The following FBXO25 variants were observed in gnomAD, a reference collection of about 807,000 sequenced individuals.
FBXO25 encodes the protein F-box only protein 25.
In FBXO25, 45 loss-of-function variants were observed where a neutral mutation model predicts 51.9. The ratio of observed to expected loss-of-function variants is 0.87; its 90% CI spans 0.68 to 1.11. The LOEUF (loss-of-function observed/expected upper bound fraction) is 1.11, where lower values mean the gene tolerates loss of function less well. Among genes scored for constraint, FBXO25 ranks in the 50% most tolerant of loss-of-function variants. The pLI is 0.00. For synonymous variants in FBXO25, 199 were observed against 151.0 expected, an observed-to-expected ratio of 1.32 and a Z score of -2.33; for missense variants, 507 against 428.5, an observed-to-expected ratio of 1.18 and a Z score of -1.62.
chr8:472,216 C>A lies in FBXO25; in HGVS notation c.*3412C>A, dbSNP rs567051708. 6.6e-6 allele frequency: 1 copy of A among 152,238 alleles called. No homozygotes were observed. Among genetic ancestry groups the A allele is most frequent in the African/African-American group, 2.4e-5 (1 of 41,464 alleles). The allele number at this position is 152,238 out of a possible 1,614,324, so 9.4% of individuals were successfully genotyped here. ...ACCCTGGGTTTTCCATACATACCCTCTATTAGGTTGGGGAGGTTCCCTTCT... is the reference window on the plus strand; with the variant it reads ...ACCCTGGGTTTTCCATACATACCCTATATTAGGTTGGGGAGGTTCCCTTCT... On this transcript the variant is annotated 3_prime_UTR_variant, in exon 10 of 10. Coordinates refer to ENST00000350302, the MANE Select transcript of FBXO25 (RefSeq NM_183420.2).
Position 474,485 on chromosome 8 carries a change from C to T in FBXO25, c.*5681C>T. On this transcript the variant is annotated 3_prime_UTR_variant, in exon 10 of 10. Transcript: ENST00000350302. ...TTAGGGCACTGCCATAAGTGTTTTA[C>T]ACGGTGGCTGCACCATTTTACATTC... 1 of 331,792 alleles carries T rather than the reference C, an allele frequency of 3.0e-6. No homozygotes were observed. Among genetic ancestry groups the T allele is most frequent in the South Asian group, 2.4e-5 (1 of 41,430 alleles). The allele number at this position is 331,792 out of a possible 1,614,324, so 20.6% of individuals were successfully genotyped here.
At chr8:467,393 T>A (rs1050076023) in intron 9 of FBXO25, among the ~76,000 whole-genome samples, 1 of 152,228 alleles carries the variant, frequency 6.6e-6, no homozygotes, top group Non-Finnish European at 1.5e-5. Context: ...AAATAGCATC[T>A]CTTCTTCAGT....
intron 2 of FBXO25, among the ~76,000 whole-genome samples, chr8:429,676 G>A (rs774673354): frequency 1.5e-4 from 23 of 152,132 alleles, no homozygotes; most frequent in South Asian, 4.1e-4. Context: ...CTTTTTCCCC[G>A]TTTAAAATAC....
chr8:434,473 C>T (rs1253603003), intron 4 of FBXO25, among the ~76,000 whole-genome samples: 1 of 152,142 alleles, frequency 6.6e-6, no homozygotes, highest in Non-Finnish European at 1.5e-5. Context: ...AGTCAGTCAA[C>T]ATATTTGGAT....
chr8:476,146 T>C lies in FBXO25; in HGVS notation c.*7342T>C, dbSNP rs1318418423. ...GATCACATTTTTTTCCTTCATTCTA[T>C]TAATGTAATAGACATTACATTTATT... is the stretch of plus-strand genomic sequence containing the variant. On this transcript the variant is annotated 3_prime_UTR_variant, in exon 10 of 10. Coordinates refer to ENST00000350302, the MANE Select transcript of FBXO25 (RefSeq NM_183420.2). The C allele has an allele frequency of 6.6e-6, 1 of 152,188 alleles. No individual in the cohort carries two copies. The highest frequency in any genetic ancestry group is 1.9e-4 in the East Asian group (1 of 5,198). 9.4% of individuals were successfully genotyped at this position (152,188 alleles called of 1,614,324 possible).
chr8:471,528 C>T lies in FBXO25; in HGVS notation c.*2724C>T, dbSNP rs1800483334. Reference sequence around the variant, plus strand: ...AGTAGATAATTCAGGACCCCAGGAGCCTAAAGCCAGGTAGTAAGTTTCACT... The same window carrying T: ...AGTAGATAATTCAGGACCCCAGGAGTCTAAAGCCAGGTAGTAAGTTTCACT... On this transcript the variant is annotated 3_prime_UTR_variant, in exon 10 of 10. Transcript: ENST00000350302. 6.6e-6 allele frequency: 1 copy of T among 152,106 alleles called. No individual in the cohort carries two copies. The highest frequency in any genetic ancestry group is 6.5e-5 in the Admixed American group (1 of 15,282). The allele number at this position is 152,106 out of a possible 1,614,324, so 9.4% of individuals were successfully genotyped here.
At chr8:422,773 C>T (rs1166039288) in intron 2 of FBXO25, among the ~76,000 whole-genome samples, 2 of 152,266 alleles carry the variant, frequency 1.3e-5, no homozygotes, top group Admixed American at 6.5e-5. Flanking sequence ...GCACAGGGCT[C>T]GCAATGGTGG....
chr8:410,066 C>G (rs574946943), intron 1 of FBXO25, among the ~76,000 whole-genome samples: 1 of 152,154 alleles, frequency 6.6e-6, no homozygotes, highest in African/African-American at 2.4e-5. Flanking sequence ...CATTTAAGAT[C>G]TAACCATGCT....
chr8:415,167 C>G (rs1465436481), intron 2 of FBXO25, among the ~76,000 whole-genome samples: 2 of 152,130 alleles, frequency 1.3e-5, no homozygotes, highest in South Asian at 2.1e-4. Flanking sequence ...GGTGGGCTTT[C>G]AAAACTTAGA....
At chr8:436,733 G>A (rs554032883) in intron 5 of FBXO25, among the ~76,000 whole-genome samples, 71 of 152,270 alleles carry the variant, frequency 4.7e-4, no homozygotes, top group Non-Finnish European at 9.1e-4. Flanking sequence ...TTAAGTAGCC[G>A]GGAAAAACAT....
At chr8:446,610 C>T (rs1176398772) in intron 5 of FBXO25, among the ~76,000 whole-genome samples, 1 of 152,134 alleles carries the variant, frequency 6.6e-6, no homozygotes, top group Non-Finnish European at 1.5e-5. Context: ...GGGTGCTATT[C>T]AACACTAAAA....
chr8:423,048 C>A (rs1312040839), intron 2 of FBXO25, among the ~76,000 whole-genome samples: 1 of 152,224 alleles, frequency 6.6e-6, no homozygotes, highest in East Asian at 1.9e-4. Flanking sequence ...TGTGCAGTAG[C>A]TGTCCAGTTA....
At chr8:462,734 G>A (rs1799893984) in intron 8 of FBXO25, among the ~76,000 whole-genome samples, 1 of 152,066 alleles carries the variant, frequency 6.6e-6, no homozygotes, top group South Asian at 2.1e-4. Flanking sequence ...AATACACATT[G>A]GAGACTCAGA....
intron 2 of FBXO25, among the ~76,000 whole-genome samples, chr8:429,325 T>C (rs1286206040): frequency 2.0e-5 from 3 of 152,346 alleles, no homozygotes; most frequent in African/African-American, 7.2e-5. Context: ...CATGGGCTTC[T>C]TGGCTGCTGT....
intron 2 of FBXO25, among the ~76,000 whole-genome samples, chr8:429,915 A>G (rs1797716149): frequency 6.6e-6 from 1 of 152,212 alleles, no homozygotes. Context: ...TCACAGGAGG[A>G]TGCGGTTACT....
chr8:454,806 G>A lies in FBXO25; in HGVS notation c.660+3353G>A, dbSNP rs1004539320. ...CTTGGGAGGCTGAGGCAGGAGAATT[G>A]CTTGAACCCAGGAAGCAGAGGTTGC... On this transcript the variant is annotated intron_variant, in intron 7 of 9. Transcript: ENST00000350302. Among the ~76,000 whole-genome samples the A allele has an allele frequency of 7.3e-5, 11 of 150,088 alleles. No individual in the cohort carries two copies. In the East Asian group the frequency reaches 1.6e-3, roughly 22 times the overall value.
At chr8:444,636 T>G (rs1273188712) in intron 5 of FBXO25, among the ~76,000 whole-genome samples, 1 of 152,208 alleles carries the variant, frequency 6.6e-6, no homozygotes, top group Non-Finnish European at 1.5e-5. Context: ...TTTACTTGTT[T>G]AGAATTGTCA....
intron 4 of FBXO25, among the ~76,000 whole-genome samples, chr8:433,328 A>G (rs193205981): frequency 6.6e-6 from 1 of 152,204 alleles, no homozygotes; most frequent in Admixed American, 6.5e-5. Context: ...TACATATCTG[A>G]GTCTACAGCA....
At chr8:461,467 T>C (rs918766015) in intron 8 of FBXO25, among the ~76,000 whole-genome samples, 6 of 152,114 alleles carry the variant, frequency 3.9e-5, no homozygotes, top group African/African-American at 1.4e-4. Context: ...CTTTATAAAA[T>C]CATCAGATCT....
Sources: allele counts gnomAD v4.1 joint callset (sites outside exome capture counted in the v4.1 genomes callset), GRCh38; gene constraint gnomAD v4.1.1; transcripts MANE v1.5; gene names NCBI Gene and HGNC (gene_info 2026-07-23, HGNC 2026-07-21).